The following DGKD variants were observed in gnomAD, a reference collection of about 807,000 sequenced individuals.
The protein encoded by DGKD is DAG kinase delta.
In DGKD, 68 loss-of-function variants were observed where a neutral mutation model predicts 154.4. The observed-to-expected ratio is 0.44, with a 90% CI of 0.36 to 0.54. The LOEUF (loss-of-function observed/expected upper bound fraction) is 0.54. DGKD is among the 20% of genes least tolerant of loss of function. The pLI is 0.00. For synonymous variants in DGKD, 693 were observed against 638.0 expected, an observed-to-expected ratio of 1.09 and a Z score of -1.30; for missense variants, 1,343 against 1,593.6, an observed-to-expected ratio of 0.84 and a Z score of 2.68.
intron 3 of DGKD, among the ~76,000 whole-genome samples, chr2:233,414,640 G>T (rs576860426): frequency 6.6e-6 from 1 of 152,334 alleles, no homozygotes; most frequent in African/African-American, 2.4e-5. Context: ...GGGTCCTGTG[G>T]TACAGGACCT....
At chr2:233,467,018 G>A in intron 27 of DGKD, 68 bp from the exon 28 acceptor site, 1 of 1,293,264 alleles carries the variant, frequency 7.7e-7, no homozygotes. Context: ...AGCCTCTCTG[G>A]TGGAGATGGG....
chr2:233,426,217 C>A (rs1030024661), intron 3 of DGKD, among the ~76,000 whole-genome samples: 2 of 152,178 alleles, frequency 1.3e-5, no homozygotes, highest in African/African-American at 4.8e-5. Flanking sequence ...ATTCATGTTT[C>A]CACCTTTCTC....
intron 3 of DGKD, among the ~76,000 whole-genome samples, chr2:233,391,380 C>T (rs1338904314): frequency 6.6e-6 from 1 of 151,252 alleles, no homozygotes; most frequent in Non-Finnish European, 1.5e-5. Flanking sequence ...TGAGATCATG[C>T]TGAACCTTTT....
intron 26 of DGKD, among the ~76,000 whole-genome samples, chr2:233,463,426 G>GCATCTCCTCACTCCACA (rs2063721713): frequency 3.2e-5 from 4 of 126,368 alleles, no homozygotes; most frequent in African/African-American, 1.3e-4. Flanking sequence ...CTCACTCCAC[G>GCATCTCCTCACTCCACA]CATCTCCTCA....
At chr2:233,430,512 A>G (rs1207133836) in intron 3 of DGKD, among the ~76,000 whole-genome samples, 2 of 152,180 alleles carry the variant, frequency 1.3e-5, no homozygotes, top group Non-Finnish European at 2.9e-5. Flanking sequence ...TGTGATATAC[A>G]TGTTTGCATG....
At chr2:233,360,685 G>C (rs1189442737) in intron 1 of DGKD, among the ~76,000 whole-genome samples, 1 of 152,226 alleles carries the variant, frequency 6.6e-6, no homozygotes, top group East Asian at 1.9e-4. Flanking sequence ...CACTGTGCCT[G>C]GCTAATTAAA....
chr2:233,393,832 C>T (rs769895045), intron 3 of DGKD, among the ~76,000 whole-genome samples: 3 of 151,502 alleles, frequency 2.0e-5, no homozygotes, highest in Non-Finnish European at 2.9e-5. Context: ...CAGACACATG[C>T]CACCATGCCC....
At chr2:233,453,738 CTGGGG>C (rs1559170243) in intron 18 of DGKD, among the ~76,000 whole-genome samples, 1 of 152,174 alleles carries the variant, frequency 6.6e-6, no homozygotes, top group East Asian at 1.9e-4. Flanking sequence ...CAGTGTGACC[CTGGGG>C]TTGGGGAGGG....
chr2:233,411,982 G>A (rs2061841540), intron 3 of DGKD, among the ~76,000 whole-genome samples: 1 of 151,958 alleles, frequency 6.6e-6, no homozygotes, highest in Non-Finnish European at 1.5e-5. Context: ...ACTATATTAT[G>A]TCTGCCTTTA....
chr2:233,444,312 A>T (rs1050655494), intron 10 of DGKD, among the ~76,000 whole-genome samples: 1 of 151,732 alleles, frequency 6.6e-6, no homozygotes, highest in Non-Finnish European at 1.5e-5. Context: ...CCTGCCACCC[A>T]CAGTACCCTG....
chr2:233,411,235 G>A (rs946684600), intron 3 of DGKD, among the ~76,000 whole-genome samples: 1 of 152,110 alleles, frequency 6.6e-6, no homozygotes, highest in Admixed American at 6.5e-5. Flanking sequence ...TCATATAGTA[G>A]GTATATGTTT....
chr2:233,394,634 C>T (rs1043157877), intron 3 of DGKD, among the ~76,000 whole-genome samples: 12 of 150,480 alleles, frequency 8.0e-5, no homozygotes, highest in Non-Finnish European at 1.3e-4. Context: ...ATACCCCCCA[C>T]CCTTTTCCAT....
intron 7 of DGKD, among the ~76,000 whole-genome samples, 173 bp downstream of exon 7, chr2:233,436,614 T>G (rs927938915): frequency 6.6e-6 from 1 of 152,264 alleles, no homozygotes; most frequent in African/African-American, 2.4e-5. Context: ...TAGCTATGTT[T>G]TGGGGTATTT....
chr2:233,355,782 C>T (rs1490692967), intron 1 of DGKD, among the ~76,000 whole-genome samples: 2 of 152,204 alleles, frequency 1.3e-5, no homozygotes, highest in Non-Finnish European at 2.9e-5. Flanking sequence ...CTTTAATAAG[C>T]CTTCTATGTG....
chr2:233,418,290 T>G (rs1291931630), intron 3 of DGKD, among the ~76,000 whole-genome samples: 1 of 152,192 alleles, frequency 6.6e-6, no homozygotes, highest in Non-Finnish European at 1.5e-5. Context: ...GGCCAGCCCA[T>G]GTTGGGGCAC....
intron 3 of DGKD, among the ~76,000 whole-genome samples, chr2:233,420,919 A>G (rs756006831): frequency 6.6e-6 from 1 of 152,164 alleles, no homozygotes; most frequent in Non-Finnish European, 1.5e-5. Context: ...TTCTTGGCAC[A>G]TGGGCAAGAG....
At position 233,434,382 on chromosome 2, in the gene DGKD, C is replaced by A; in HGVS notation, c.351C>A (p.Val117=). The change falls in exon 4 of 30, where the codon GTC becomes GTA. Residue 117 remains valine (V), a splice_region_variant and synonymous_variant. Transcript: ENST00000264057. ...GTTGAACCTGTTTCTTTCTCTAGGT[C>A]ATAACTCCATGCAGGAAGCTCATCT... is the stretch of plus-strand genomic sequence containing the variant. ...STKNVNNSFT[V]ITPCRKLILC... 6.2e-7 allele frequency: 1 copy of A among 1,613,532 alleles called. No homozygotes were observed. Among genetic ancestry groups the A allele is most frequent in the South Asian group, 1.1e-5 (1 of 91,026 alleles).
chr2:233,457,310 G>T lies in DGKD; in HGVS notation c.2562G>T (p.Gly854=). The change falls in exon 21 of 30, where the codon GGG becomes GGT. Residue 854 remains glycine, a synonymous_variant. Coordinates refer to ENST00000264057, the MANE Select transcript of DGKD (RefSeq NM_152879.3). The surrounding 1 kb of genome is among the most constrained non-coding windows in gnomAD (Gnocchi z 5.5). The stretch of plus-strand genomic sequence containing the variant: ...ATGCCGGAGGAACCAACTTCTGGGG[G>T]GGTACCAAGGAAGATGATGTATGTA... ...PSYAGGTNFW[G]GTKEDDTFAA... 1 of 1,536,676 alleles carries T rather than the reference G, an allele frequency of 6.5e-7. No homozygotes were observed. The highest frequency in any genetic ancestry group is 8.8e-7 in the Non-Finnish European group (1 of 1,140,798).
chr2:233,366,021 G>T (rs56263467), intron 1 of DGKD, among the ~76,000 whole-genome samples: 16,684 of 152,088 alleles, frequency 0.11, 1,183 homozygotes, highest in South Asian at 0.33. Context: ...GGAGGAGGAG[G>T]TTGCTGATCA....
Sources: gnomAD v4.1 joint callset for allele counts (sites outside exome capture counted in the v4.1 genomes callset) on GRCh38, gnomAD v4.1.1 for gene constraint, Gnocchi (gnomAD v3.1) non-coding constraint, MANE v1.5 for transcripts, NCBI Gene and HGNC (gene_info 2026-07-23, HGNC 2026-07-21) for gene names.